The following URB1 variants were observed in gnomAD, a reference collection of about 807,000 sequenced individuals.
URB1 encodes the protein nucleolar pre-ribosomal-associated protein 1.
URB1 carries 197 observed loss-of-function variants against 242.3 expected under a neutral mutation model. That is an observed-to-expected ratio of 0.81 (90% CI 0.72 to 0.91). URB1 has a LOEUF of 0.91. Ranked by LOEUF, URB1 falls within the 40% of genes least tolerant of loss-of-function variation. The pLI is 0.00. For missense variants in URB1, 2,721 were observed against 2,860.5 expected, an observed-to-expected ratio of 0.95 and a Z score of 1.11; for synonymous variants, 1,153 against 1,201.8, an observed-to-expected ratio of 0.96 and a Z score of 0.84.
rs555829662 is a variant in URB1 at position 32,386,212 on chromosome 21, T to C, written c.143-528A>G. ...CCTAAAAAGACAGTATTTGGAGATA[T>C]AGTCTTTTAGGAGATAACTCAGGTT... is the stretch of plus-strand genomic sequence containing the variant. On this transcript the variant is annotated intron_variant, in intron 1 of 38. Coordinates refer to ENST00000382751, the MANE Select transcript of URB1 (RefSeq NM_014825.3). Among the ~76,000 whole-genome samples, 10 of 151,008 alleles carry C rather than the reference T, an allele frequency of 6.6e-5. 1 individual carries two copies. The highest frequency in any genetic ancestry group is 1.3e-4 in the Admixed American group (2 of 15,216).
chr21:32,368,604 A>C lies in URB1; in HGVS notation c.1002-6T>G. On this transcript the variant is annotated splice_polypyrimidine_tract_variant and splice_region_variant and intron_variant, in intron 8 of 38. Coordinates refer to ENST00000382751, the MANE Select transcript of URB1 (RefSeq NM_014825.3). The stretch of plus-strand genomic sequence containing the variant: ...AGAGTGTCAGGTTTCCGCCTCTGTT[A>C]GAGAAAGACACATGGGGAGAGGTCA... 1.9e-6 allele frequency: 3 copies of C among 1,547,978 alleles called. No homozygotes were observed. The highest frequency in any genetic ancestry group is 2.6e-6 in the Non-Finnish European group (3 of 1,145,528).
intron 30 of URB1, among the ~76,000 whole-genome samples, chr21:32,332,296 G>A (rs1345357421): frequency 6.6e-6 from 1 of 151,802 alleles, no homozygotes; most frequent in Non-Finnish European, 1.5e-5. Context: ...TCCGTAAAAG[G>A]AAAAACTGAC....
Position 32,316,810 on chromosome 21 carries a change from G to A in URB1, c.6290C>T (p.Ala2097Val). The A allele has an allele frequency of 6.5e-7, 1 of 1,547,220 alleles. No individual in the cohort carries two copies. Among genetic ancestry groups the A allele is most frequent in the Non-Finnish European group, 8.7e-7 (1 of 1,143,998 alleles). The change falls in exon 38 of 39, where the codon GCT becomes GTT. Residue 2097 changes from alanine (A) to valine (V), a missense_variant. Physicochemically the swap from Ala to Val is moderately conservative, Grantham distance 64 (BLOSUM62 0). Transcript: ENST00000382751. ...SDAPGPVYAA[A>V]SLAVSWVLRS... ...CAGCACCCAACTGACTGCCAGGGAA[G>A]CGGCAGCATATACGGGGCCTGGCGC...
intron 2 of URB1, 65 bp downstream of exon 2, chr21:32,385,470 ACATTTTTCCT>A: frequency 6.7e-7 from 1 of 1,489,850 alleles, no homozygotes; most frequent in Non-Finnish European, 8.9e-7. Flanking sequence ...AATTTCTATC[ACATTTTTCCT>A]CATCAAACTT....
At chr21:32,373,611 A>G (rs1601153314) in intron 7 of URB1, 36 bp downstream of exon 7, 1 of 1,520,020 alleles carries the variant, frequency 6.6e-7, no homozygotes, top group Non-Finnish European at 8.8e-7. Flanking sequence ...TCAAATTCCA[A>G]CAACGAGGTC....
chr21:32,333,528 G>A (rs1209752257), intron 29 of URB1, 109 bp from the exon 30 acceptor site: 4 of 886,434 alleles, frequency 4.5e-6, no homozygotes, highest in South Asian at 3.5e-5. Context: ...TCAGATTTTG[G>A]AATATTTGCA....
chr21:32,333,393 G>T lies in URB1; in HGVS notation c.4884C>A (p.Asp1628Glu). 6.4e-7 allele frequency: 1 copy of T among 1,551,618 alleles called. No individual in the cohort carries two copies. The highest frequency in any genetic ancestry group is 8.7e-7 in the Non-Finnish European group (1 of 1,146,956). ...GGCCATCAAGATCCACCCTGCTTTT[G>T]TCTTTGAATATCAGCTCCTGTGTGT... ...PEDTQELIFK[D>E]KSRVDLDGLY... The change falls in exon 30 of 39, where the codon GAC becomes GAA. Residue 1628 changes from aspartate (D) to glutamate (E), a missense_variant. Coordinates refer to ENST00000382751, the MANE Select transcript of URB1 (RefSeq NM_014825.3).
At chr21:32,386,879 G>A (rs746177874) in intron 1 of URB1, among the ~76,000 whole-genome samples, 3 of 152,146 alleles carry the variant, frequency 2.0e-5, no homozygotes, top group Non-Finnish European at 4.4e-5. Flanking sequence ...CTCCAATCCA[G>A]GCAGTCGGGC....
intron 10 of URB1, among the ~76,000 whole-genome samples, chr21:32,363,853 G>A (rs991231389): frequency 6.6e-6 from 1 of 151,546 alleles, no homozygotes; most frequent in Non-Finnish European, 1.5e-5. Context: ...ATGAGACTTA[G>A]TATGTTGCCC....
At chr21:32,351,380 A>C (rs992454064) in intron 19 of URB1, among the ~76,000 whole-genome samples, 2 of 152,178 alleles carry the variant, frequency 1.3e-5, no homozygotes, top group African/African-American at 4.8e-5. Context: ...ACACAGAGAA[A>C]TTTCTGGAGC....
intron 24 of URB1, among the ~76,000 whole-genome samples, chr21:32,344,304 A>C (rs2033061361): frequency 6.6e-6 from 1 of 152,224 alleles, no homozygotes; most frequent in South Asian, 2.1e-4. Context: ...CTAATCAAAA[A>C]ACAAGACATT....
intron 14 of URB1, 151 bp downstream of exon 14, chr21:32,359,645 C>T: frequency 1.6e-6 from 1 of 634,096 alleles, no homozygotes; most frequent in East Asian, 3.3e-5. Context: ...TGAATCAGGA[C>T]CTCTGCTGTG....
chr21:32,349,397 G>A lies in URB1; in HGVS notation c.2919C>T (p.Ala973=). 6.4e-7 allele frequency: 1 copy of A among 1,551,500 alleles called. No individual in the cohort carries two copies. The highest frequency in any genetic ancestry group is 2.4e-5 in the East Asian group (1 of 40,914). Residue 973 remains alanine, a synonymous_variant, in exon 21 of 39, where the codon GCC becomes GCT. Coordinates refer to ENST00000382751, the MANE Select transcript of URB1 (RefSeq NM_014825.3). ...CGGCCTCGCATCTCTGCTGGTTCTG[G>A]GCATCCAGCTGCTCACAGTGGACAA... The part of the protein sequence containing the change: ...RLVVHCEQLD[A]QNQQRCEAAR...
chr21:32,379,846 T>C (rs1372976992), intron 4 of URB1, among the ~76,000 whole-genome samples: 3 of 151,692 alleles, frequency 2.0e-5, no homozygotes, highest in Non-Finnish European at 4.4e-5. Context: ...AAAAATTAGC[T>C]GGGTATGGTG....
chr21:32,357,664 T>C lies in URB1; in HGVS notation c.1870-8A>G. The C allele has an allele frequency of 6.9e-7, 1 of 1,445,640 alleles. No homozygotes were observed. The highest frequency in any genetic ancestry group is 1.6e-5 in the South Asian group (1 of 60,936). 89.6% of individuals were successfully genotyped at this position (1,445,640 alleles called of 1,614,324 possible). ...TTCTGCATCTGGGCCTTCCTAGAGTTTAAACAATATTACGTATTTTTAGTA... is the reference window on the plus strand; with the variant it reads ...TTCTGCATCTGGGCCTTCCTAGAGTCTAAACAATATTACGTATTTTTAGTA... On this transcript the variant is annotated splice_polypyrimidine_tract_variant and splice_region_variant and intron_variant, in intron 14 of 38. Coordinates refer to ENST00000382751, the MANE Select transcript of URB1 (RefSeq NM_014825.3).
chr21:32,351,597 C>T (rs983958020), intron 19 of URB1, among the ~76,000 whole-genome samples: 1 of 152,206 alleles, frequency 6.6e-6, no homozygotes, highest in African/African-American at 2.4e-5. Context: ...AATTCTCAGG[C>T]TCCACCCAGA....
chr21:32,334,137 T>A (rs762305378), intron 29 of URB1, 26 bp downstream of exon 29: 1 of 1,519,008 alleles, frequency 6.6e-7, no homozygotes. Context: ...AAGGGGTGGG[T>A]AGGGACAGAA....
chr21:32,385,585 AT>A lies in URB1; in HGVS notation c.241del (p.Ile81PhefsTer5). ...YIKISVECVE[I>X]FQLLSGEKRP... ...TTTCTCTCCACTTAGGAGCTGGAAAATTTCGACACACTCAACAGAAATCTTT... is the reference window on the plus strand; with the variant it reads ...TTTCTCTCCACTTAGGAGCTGGAAAATTCGACACACTCAACAGAAATCTTT... On this transcript the variant is annotated frameshift_variant, in exon 2 of 39. Coordinates refer to ENST00000382751, the MANE Select transcript of URB1 (RefSeq NM_014825.3). LOFTEE classifies it high-confidence loss of function. 7.7e-6 allele frequency: 12 copies of A among 1,552,068 alleles called. No individual in the cohort carries two copies. Among genetic ancestry groups the A allele is most frequent in the Non-Finnish European group, 1.0e-5 (12 of 1,147,074 alleles).
chr21:32,316,059 A>G (rs542593136), intron 38 of URB1, among the ~76,000 whole-genome samples: 15 of 152,336 alleles, frequency 9.8e-5, no homozygotes, highest in Non-Finnish European at 1.8e-4. Context: ...GTGCACACAC[A>G]CGCGCATGCA....
Sources: allele counts gnomAD v4.1 joint callset (sites outside exome capture counted in the v4.1 genomes callset), GRCh38; gene constraint gnomAD v4.1.1; transcripts MANE v1.5; gene names NCBI Gene and HGNC (gene_info 2026-07-23, HGNC 2026-07-21).